The following TMC2 variants were observed in gnomAD, a reference collection of about 807,000 sequenced individuals.
TMC2 encodes the protein transmembrane channel like 2, also known as transmembrane channel-like protein 2.
A neutral mutation model predicts 105.9 loss-of-function variants in TMC2; 102 were observed. That is an observed-to-expected ratio of 0.96 (90% CI 0.82 to 1.14). The LOEUF (loss-of-function observed/expected upper bound fraction) is 1.14. TMC2 is among the 50% of genes most tolerant of loss of function. TMC2 has a pLI of 0.00. For synonymous variants in TMC2, 402 were observed against 422.8 expected (o/e 0.95, Z 0.60); for missense variants, 1,093 against 1,134.3 (o/e 0.96, Z 0.52).
intron 2 of TMC2, among the ~76,000 whole-genome samples, chr20:2,539,189 G>T (rs1324048284): frequency 6.6e-6 from 1 of 152,196 alleles, no homozygotes; most frequent in Non-Finnish European, 1.5e-5. Flanking sequence ...GGCCTTCCTA[G>T]CAAGACAGCT....
chr20:2,616,094 T>C lies in TMC2; in HGVS notation c.1873-43T>C. ...TTTGGCTGAATTCACCAAACGTGCT[T>C]TTTTTTTTCTCTCTCTCTCTCGCTC... On this transcript the variant is annotated intron_variant, in intron 14 of 19. Coordinates refer to ENST00000358864, the MANE Select transcript of TMC2 (RefSeq NM_080751.3). This position sits in a 1 kb window ranked among gnomAD's most constrained non-coding sequence, Gnocchi z 4.8. 1 of 1,533,296 alleles carries C rather than the reference T, an allele frequency of 6.5e-7. No individual in the cohort carries two copies. The highest frequency in any genetic ancestry group is 8.9e-7 in the Non-Finnish European group (1 of 1,121,410). 95.0% of individuals were successfully genotyped at this position (1,533,296 alleles called of 1,614,324 possible). A position where few individuals can be genotyped will look rare whatever the true frequency, so the allele number is the denominator to read the frequency against.
chr20:2,555,837 G>A (rs2085981803), intron 2 of TMC2, among the ~76,000 whole-genome samples: 1 of 152,060 alleles, frequency 6.6e-6, no homozygotes, highest in Non-Finnish European at 1.5e-5. Context: ...AAAAAGGTTT[G>A]TTCTAGAATT....
intron 9 of TMC2, among the ~76,000 whole-genome samples, chr20:2,596,461 A>G (rs531849205): frequency 6.6e-6 from 1 of 152,098 alleles, no homozygotes; most frequent in South Asian, 2.1e-4. Flanking sequence ...GCAAAACCCC[A>G]TCTCTACCAA....
chr20:2,588,513 A>T (rs1416384638), intron 7 of TMC2, among the ~76,000 whole-genome samples: 1 of 152,236 alleles, frequency 6.6e-6, no homozygotes, highest in Non-Finnish European at 1.5e-5. Flanking sequence ...ACACAGAAAT[A>T]GAAATCCAAA....
At chr20:2,554,008 C>T (rs745550529) in intron 2 of TMC2, among the ~76,000 whole-genome samples, 1 of 152,102 alleles carries the variant, frequency 6.6e-6, no homozygotes, top group Non-Finnish European at 1.5e-5. Context: ...CCTCAGCCTC[C>T]CGAGTAGCTG....
chr20:2,617,240 C>G lies in TMC2; in HGVS notation c.2109C>G (p.Leu703=), dbSNP rs767649716. Residue 703 remains leucine, a synonymous_variant, in exon 16 of 20, where the codon CTC becomes CTG. Coordinates refer to ENST00000358864, the MANE Select transcript of TMC2 (RefSeq NM_080751.3). ...ACATGGGCCTCCTGCTGCTGGTGCT[C>G]TTCCTCAGCCTCCTGCCGGTGGCCT... ...NFYMGLLLLV[L]FLSLLPVAYT... The G allele has an allele frequency of 6.2e-7, 1 of 1,614,230 alleles. No homozygotes were observed. Among genetic ancestry groups the G allele is most frequent in the Non-Finnish European group, 8.5e-7 (1 of 1,180,032 alleles).
intron 7 of TMC2, among the ~76,000 whole-genome samples, chr20:2,580,921 C>T (rs1310922625): frequency 6.6e-6 from 1 of 152,206 alleles, no homozygotes; most frequent in Admixed American, 6.5e-5. Flanking sequence ...GCCTGTGGCT[C>T]ACTAAGCACT....
At chr20:2,560,955 G>A (rs2086022131) in intron 3 of TMC2, among the ~76,000 whole-genome samples, 1 of 152,142 alleles carries the variant, frequency 6.6e-6, no homozygotes, top group Admixed American at 6.5e-5. Context: ...GAGCTCCCCA[G>A]CTGGAAATTC....
At chr20:2,617,011 C>T in intron 15 of TMC2, 61 bp from the exon 16 acceptor site, 2 of 1,604,106 alleles carry the variant, frequency 1.2e-6, no homozygotes, top group Non-Finnish European at 1.7e-6. Context: ...TTCCTTCTAT[C>T]ACCCTTCCCT....
chr20:2,584,820 G>A (rs2086221400), intron 7 of TMC2, among the ~76,000 whole-genome samples: 1 of 151,580 alleles, frequency 6.6e-6, no homozygotes, highest in Non-Finnish European at 1.5e-5. Flanking sequence ...CTTTTGGGGG[G>A]CACAATTTGC....
At position 2,616,293 on chromosome 20, in the gene TMC2, G is replaced by C. The variant is rs1251727406; in HGVS notation, c.1940+89G>C. 9.5e-7 allele frequency: 1 copy of C among 1,052,812 alleles called. No homozygotes were observed. Among genetic ancestry groups the C allele is most frequent in the African/African-American group, 1.6e-5 (1 of 63,962 alleles). 65.2% of individuals were successfully genotyped at this position (1,052,812 alleles called of 1,614,324 possible). ...CTTTGCAACTTAACTAGTTGGAAGA[G>C]GCTAGATAAGTCCTCTTGCCTCTCT... On this transcript the variant is annotated intron_variant, in intron 15 of 19. Coordinates refer to ENST00000358864, the MANE Select transcript of TMC2 (RefSeq NM_080751.3). The surrounding 1 kb of genome is among the most constrained non-coding windows in gnomAD (Gnocchi z 4.8).
rs1239775561 is a variant in TMC2 at position 2,551,370 on chromosome 20, TG to T, written c.83-7085del. Among the ~76,000 whole-genome samples the T allele has an allele frequency of 2.6e-5, 4 of 151,556 alleles. No homozygotes were observed. The East Asian group carries it at 7.7e-4, about 29-fold the overall frequency. ...GGATACACGTCCTTTGTCAGATACATGTTTTGCAAATATTTTCTACTAGTTT... is the reference window on the plus strand; with the variant it reads ...GGATACACGTCCTTTGTCAGATACATTTTTGCAAATATTTTCTACTAGTTT... On this transcript the variant is annotated intron_variant, in intron 2 of 19. Transcript: ENST00000358864.
chr20:2,537,805 A>G (rs949589983), intron 2 of TMC2, among the ~76,000 whole-genome samples: 2 of 152,172 alleles, frequency 1.3e-5, no homozygotes, highest in Non-Finnish European at 2.9e-5. Flanking sequence ...GAGCCCAAGG[A>G]AGCCATAGGC....
In TMC2 at chr20:2,580,037, G is replaced by A. The variant is rs367858720; in HGVS notation, c.815G>A (p.Gly272Asp). Residue 272 changes from glycine (G) to aspartate (D), a missense_variant, in exon 7 of 20, where the codon GGT becomes GAT. By Grantham distance (94) the Gly-to-Asp change is moderately conservative (BLOSUM62 -1). Transcript: ENST00000358864. ...CTTGTCCTTTTTGGCTTAATATTTGGTCTAGTCATAATCCCAGAGGTAAGA... is the reference window on the plus strand; with the variant it reads ...CTTGTCCTTTTTGGCTTAATATTTGATCTAGTCATAATCCCAGAGGTAAGA... ...VNLVLFGLIF[G>D]LVIIPEVLMG... 1.4e-5 allele frequency: 23 copies of A among 1,611,760 alleles called. No individual in the cohort carries two copies. Among genetic ancestry groups the A allele is most frequent in the Non-Finnish European group, 2.0e-5 (23 of 1,178,112 alleles).
chr20:2,613,246 T>TGC lies in TMC2; in HGVS notation c.1797_1798dup (p.Leu600ArgfsTer14). 1 of 1,614,106 alleles carries TGC rather than the reference T, an allele frequency of 6.2e-7. No homozygotes were observed. The highest frequency in any genetic ancestry group is 2.2e-5 in the East Asian group (1 of 44,880). On this transcript the variant is annotated frameshift_variant, in exon 14 of 20. Coordinates refer to ENST00000358864, the MANE Select transcript of TMC2 (RefSeq NM_080751.3). LOFTEE classifies it high-confidence loss of function. ...ATGCTGGTAACGTACATCACCATCC[T>TGC]GCTGGGGGACTTCCTACGGGCTTGT...
At chr20:2,539,951 C>A (rs1237639321) in intron 2 of TMC2, among the ~76,000 whole-genome samples, 1 of 109,444 alleles carries the variant, frequency 9.1e-6, no homozygotes, top group African/African-American at 3.2e-5. Flanking sequence ...TAGCTCACTC[C>A]CGCAAATAGC....
Position 2,641,278 on chromosome 20 carries a change from C to G in TMC2, c.2648C>G (p.Ser883Cys), listed in dbSNP as rs754459305. Residue 883 changes from serine (S) to cysteine (C), a missense_variant, in exon 20 of 20, where the codon TCT (serine) becomes TGT (cysteine). Transcript: ENST00000358864. ...ISRPPGIGPD[S>C]GHAPSQTHPW... ...CGGCCCCCTGGAATCGGACCAGATT[C>G]TGGCCACGCCCCATCTCAGACTCAT... 7 of 1,614,170 alleles carry G rather than the reference C, an allele frequency of 4.3e-6. No individual in the cohort carries two copies. The highest frequency in any genetic ancestry group is 5.9e-6 in the Non-Finnish European group (7 of 1,180,018).
chr20:2,543,558 G>T (rs1210326844), intron 2 of TMC2, among the ~76,000 whole-genome samples: 1 of 152,192 alleles, frequency 6.6e-6, no homozygotes, highest in Admixed American at 6.5e-5. Flanking sequence ...AGAATTGACA[G>T]GTCTTTGGGA....
chr20:2,585,407 A>G (rs913828627), intron 7 of TMC2, among the ~76,000 whole-genome samples: 1 of 151,548 alleles, frequency 6.6e-6, no homozygotes, highest in African/African-American at 2.4e-5. Context: ...GTTTGTATTC[A>G]TTATCTATTG....
Sources: gnomAD v4.1 joint callset for allele counts (sites outside exome capture counted in the v4.1 genomes callset) on GRCh38, gnomAD v4.1.1 for gene constraint, Gnocchi (gnomAD v3.1) non-coding constraint, MANE v1.5 for transcripts, NCBI Gene and HGNC (gene_info 2026-07-23, HGNC 2026-07-21) for gene names.